The following MPPED1 variants were observed in gnomAD, a reference collection of about 807,000 sequenced individuals.
The protein encoded by MPPED1 is metallophosphoesterase domain containing 1, also known as metallophosphoesterase domain-containing protein 1.
MPPED1 carries 16 observed loss-of-function variants against 36.2 expected under a neutral mutation model. The observed-to-expected ratio is 0.44, with a 90% CI of 0.30 to 0.67. MPPED1 has a LOEUF of 0.67. MPPED1 is among the 30% of genes least tolerant of loss of function. The pLI is 0.10. For synonymous variants in MPPED1, 199 were observed against 191.3 expected (o/e 1.04, Z -0.33); for missense variants, 307 against 453.4 (o/e 0.68, Z 2.93).
chr22:43,451,276 A>T (rs1017766891), intron 3 of MPPED1, among the ~76,000 whole-genome samples: 1 of 152,162 alleles, frequency 6.6e-6, no homozygotes, highest in African/African-American at 2.4e-5. Context: ...AAATGCTGCA[A>T]TTACCGGTGT....
At chr22:43,413,917 T>G (rs1240063346) in intron 1 of MPPED1, among the ~76,000 whole-genome samples, 1 of 152,182 alleles carries the variant, frequency 6.6e-6, no homozygotes, top group East Asian at 1.9e-4. Context: ...TCGGAAGACC[T>G]GGATTGAATG....
chr22:43,443,455 G>A (rs1268106884), intron 3 of MPPED1, among the ~76,000 whole-genome samples: 1 of 152,184 alleles, frequency 6.6e-6, no homozygotes, highest in Non-Finnish European at 1.5e-5. Flanking sequence ...GCTGGACCTG[G>A]AGGTGGCCCA....
chr22:43,465,869 G>A (rs1400049431), intron 3 of MPPED1, among the ~76,000 whole-genome samples: 1 of 152,190 alleles, frequency 6.6e-6, no homozygotes, highest in African/African-American at 2.4e-5. Context: ...AGCACTGCAG[G>A]GAGTGCAGTA....
At chr22:43,418,376 A>G in intron 1 of MPPED1, 7 of 343,316 alleles carry the variant, frequency 2.0e-5, no homozygotes, top group South Asian at 1.5e-4. Flanking sequence ...TGGTAGTGCA[A>G]TCCTCCAAGA....
chr22:43,424,468 TG>T (rs1025063692), intron 1 of MPPED1, among the ~76,000 whole-genome samples: 101 of 152,186 alleles, frequency 6.6e-4, no homozygotes, highest in African/African-American at 2.4e-3. Context: ...CTGTGGAGGA[TG>T]GGGGAGGGTT....
chr22:43,491,786 G>A (rs1217947304), intron 4 of MPPED1, among the ~76,000 whole-genome samples: 2 of 150,984 alleles, frequency 1.3e-5, no homozygotes, highest in African/African-American at 4.9e-5. Flanking sequence ...TGGAGGTGGT[G>A]GTAATGATTG....
At chr22:43,429,510 A>G (rs1929600158) in intron 2 of MPPED1, among the ~76,000 whole-genome samples, 2 of 152,166 alleles carry the variant, frequency 1.3e-5, no homozygotes, top group Non-Finnish European at 2.9e-5. Flanking sequence ...CCCTGTGAGC[A>G]CTGACTCCTC....
chr22:43,471,113 A>G (rs1297171883), intron 3 of MPPED1, among the ~76,000 whole-genome samples: 1 of 152,232 alleles, frequency 6.6e-6, no homozygotes, highest in Admixed American at 6.5e-5. Context: ...GCTCCGCCCA[A>G]TCCCCAGTAG....
chr22:43,463,338 T>C (rs1181086351), intron 3 of MPPED1, among the ~76,000 whole-genome samples: 2 of 149,394 alleles, frequency 1.3e-5, no homozygotes, highest in Non-Finnish European at 3.0e-5. Flanking sequence ...TTTCTTTTTT[T>C]TTTTTTTTTT....
At chr22:43,425,796 CA>C (rs1005649311) in intron 2 of MPPED1, among the ~76,000 whole-genome samples, 1 of 152,228 alleles carries the variant, frequency 6.6e-6, no homozygotes, top group Non-Finnish European at 1.5e-5. Context: ...GATGCTTTTC[CA>C]AAAGGACTGG....
At chr22:43,468,028 G>A (rs1931233876) in intron 3 of MPPED1, among the ~76,000 whole-genome samples, 1 of 152,194 alleles carries the variant, frequency 6.6e-6, no homozygotes, top group Admixed American at 6.5e-5. Context: ...TCTGCCCCGT[G>A]CGGCAGCTGC....
In MPPED1 at chr22:43,505,644, G is replaced by A. The variant is rs377334448; in HGVS notation, c.*28G>A. The A allele has an allele frequency of 2.6e-6, 4 of 1,562,198 alleles. No homozygotes were observed. Among genetic ancestry groups the A allele is most frequent in the East Asian group, 2.3e-5 (1 of 42,830 alleles). On this transcript the variant is annotated 3_prime_UTR_variant, in exon 7 of 7. Transcript: ENST00000443721. ...GCTCCCCACTGCCCCTGCCCTGCCCGCCCGTGTCAGCTCCACAGGCCTGGC... is the reference window on the plus strand; with the variant it reads ...GCTCCCCACTGCCCCTGCCCTGCCCACCCGTGTCAGCTCCACAGGCCTGGC...
chr22:43,422,382 C>G (rs1239252838), intron 1 of MPPED1, among the ~76,000 whole-genome samples: 4 of 152,168 alleles, frequency 2.6e-5, no homozygotes, highest in Non-Finnish European at 5.9e-5. Context: ...AGAGCATGGC[C>G]CCTGTGAGCT....
intron 3 of MPPED1, among the ~76,000 whole-genome samples, chr22:43,471,909 G>A (rs956934019): frequency 1.3e-5 from 2 of 152,206 alleles, no homozygotes; most frequent in African/African-American, 4.8e-5. Flanking sequence ...AGGTGGAAGG[G>A]GCTTGTAGAA....
rs1437124074 is a variant in MPPED1, at chr22:43,424,895, T to A, written c.-78-13T>A. The stretch of plus-strand genomic sequence containing the variant: ...CAGATTAACTGTCGCACGGTTCTGC[T>A]CCGTCTCCTCAGTCTGTTTCCAGGT... On this transcript the variant is annotated splice_polypyrimidine_tract_variant and intron_variant, in intron 1 of 6. Transcript: ENST00000443721. 1.3e-6 allele frequency: 2 copies of A among 1,524,166 alleles called. No individual in the cohort carries two copies. The highest frequency in any genetic ancestry group is 2.8e-5 in the African/African-American group (2 of 72,612). 94.4% of individuals were successfully genotyped at this position (1,524,166 alleles called of 1,614,324 possible). A position where few individuals can be genotyped will look rare whatever the true frequency, so the allele number is the denominator to read the frequency against.
intron 4 of MPPED1, among the ~76,000 whole-genome samples, chr22:43,493,847 G>C (rs1476381781): frequency 6.6e-6 from 1 of 152,164 alleles, no homozygotes; most frequent in Non-Finnish European, 1.5e-5. Flanking sequence ...GGCAGCAGGC[G>C]GGGAGGTGAT....
rs1282293055 is a variant in MPPED1, at chr22:43,474,396, C to T, written c.407-340C>T. On this transcript the variant is annotated intron_variant, in intron 3 of 6. Transcript: ENST00000443721. The surrounding 1 kb of genome is among the most constrained non-coding windows in gnomAD (Gnocchi z 5.2). ...CAGGCAGGACTGTGGGGACAGTGAT[C>T]AGGCTGCTGCCTCCTTTGATCTGAT... Among the ~76,000 whole-genome samples, 1 of 152,222 alleles carries T rather than the reference C, an allele frequency of 6.6e-6. No individual in the cohort carries two copies. The highest frequency in any genetic ancestry group is 1.5e-5 in the Non-Finnish European group (1 of 68,044).
At chr22:43,435,488 G>A (rs1351367734) in intron 3 of MPPED1, among the ~76,000 whole-genome samples, 3 of 152,082 alleles carry the variant, frequency 2.0e-5, no homozygotes, top group Non-Finnish European at 4.4e-5. Flanking sequence ...CCCTCCAAAA[G>A]GGACTTTGCT....
intron 4 of MPPED1, among the ~76,000 whole-genome samples, chr22:43,488,345 C>G (rs1165289365): frequency 6.6e-6 from 1 of 152,206 alleles, no homozygotes; most frequent in African/African-American, 2.4e-5. Flanking sequence ...ACCTACCCAG[C>G]AGCTGTGTAC....
Sources: allele counts gnomAD v4.1 joint callset (sites outside exome capture counted in the v4.1 genomes callset), GRCh38; gene constraint gnomAD v4.1.1; non-coding constraint Gnocchi (gnomAD v3.1); transcripts MANE v1.5; gene names NCBI Gene and HGNC (gene_info 2026-07-23, HGNC 2026-07-21).